Variants in IQSEC1 observed in about 807,000 individuals in gnomAD.
The protein encoded by IQSEC1 is IQ motif and Sec7 domain ArfGEF 1.
IQSEC1 carries 31 observed loss-of-function variants against 91.0 expected under a neutral mutation model. The observed-to-expected ratio is 0.34, with a 90% confidence interval of 0.26 to 0.46. The LOEUF (loss-of-function observed/expected upper bound fraction) is 0.46, where lower values mean the gene tolerates loss of function less well. Ranked by LOEUF, IQSEC1 falls within the 20% of genes least tolerant of loss-of-function variation. The probability of loss-of-function intolerance (pLI) is 1.00; values close to 1 mark genes in which losing one functional copy is unlikely to be tolerated. For synonymous variants in IQSEC1, 699 were observed against 662.6 expected, an observed-to-expected ratio of 1.05 and a Z score of -0.84; for missense variants, 1,388 against 1,575.6, an observed-to-expected ratio of 0.88 and a Z score of 2.02.
intron 1 of IQSEC1, among the ~76,000 whole-genome samples, chr3:13,197,360 C>T (rs1187485482): frequency 2.0e-5 from 3 of 152,162 alleles, no homozygotes; most frequent in East Asian, 1.9e-4. Flanking sequence ...TGGGGTGCTC[C>T]CTGCCCCACT....
rs994027667 is a variant in IQSEC1 at position 13,214,898 on chromosome 3, G to A, written c.273-50765C>T. On this transcript the variant is annotated intron_variant, in intron 1 of 15. Transcript: ENST00000648114. The surrounding 1 kb of genome is among the most constrained non-coding windows in gnomAD (Gnocchi z 4.5). ...CGTCGGGCTCTGCTGAGCACTAGCC[G>A]AATGAACAGGCACCCGAGTGAACGG... Among the ~76,000 whole-genome samples, 4 of 152,232 alleles carry A rather than the reference G, an allele frequency of 2.6e-5. No homozygotes were observed. Among genetic ancestry groups the A allele is most frequent in the Non-Finnish European group, 5.9e-5 (4 of 68,040 alleles).
chr3:12,985,488 A>C, intron 1 of IQSEC1, among the ~76,000 whole-genome samples: 1 of 62,162 alleles, frequency 1.6e-5, no homozygotes, highest in South Asian at 4.3e-4. Context: ...ACTGCTTAAC[A>C]ATCCCCCCCC....
At chr3:13,080,861 C>A (rs577554108) in intron 2 of IQSEC1, among the ~76,000 whole-genome samples, 1 of 152,202 alleles carries the variant, frequency 6.6e-6, no homozygotes, top group African/African-American at 2.4e-5. Context: ...TGAGCTAATA[C>A]AAGAACAACA....
chr3:13,280,180 G>A (rs960533367), intron 1 of IQSEC1, among the ~76,000 whole-genome samples: 3 of 152,186 alleles, frequency 2.0e-5, no homozygotes, highest in Admixed American at 2.0e-4. Context: ...GGAAGTGCAG[G>A]GCTGGGCCTA....
At chr3:13,220,746 G>C (rs779413369) in intron 1 of IQSEC1, among the ~76,000 whole-genome samples, 1 of 152,216 alleles carries the variant, frequency 6.6e-6, no homozygotes, top group African/African-American at 2.4e-5. Context: ...AGCACCCCAA[G>C]TGTGAAGGGC....
chr3:12,923,272 C>T (rs371768432), intron 4 of IQSEC1, among the ~76,000 whole-genome samples: 2 of 151,514 alleles, frequency 1.3e-5, no homozygotes, highest in African/African-American at 2.4e-5. Flanking sequence ...GACCAGGGAC[C>T]GGCTTGGAGT....
intron 1 of IQSEC1, among the ~76,000 whole-genome samples, chr3:12,989,568 T>C (rs1701895519): frequency 6.6e-6 from 1 of 152,046 alleles, no homozygotes; most frequent in South Asian, 2.1e-4. Context: ...CCAGCTGCCT[T>C]CAAGCACCCC....
chr3:13,119,185 G>A (rs894614683), intron 2 of IQSEC1, among the ~76,000 whole-genome samples: 11 of 151,962 alleles, frequency 7.2e-5, no homozygotes, highest in Non-Finnish European at 7.4e-5. Flanking sequence ...CCAAAGTGCT[G>A]GAATAATATT....
In IQSEC1 at chr3:12,967,862, C is replaced by T. The variant is rs1700697403; in HGVS notation, c.24-25997G>A. ...GGGAAGAGAGCACAGGAGGCGTGGC[C>T]ACACGGCGCCGCGGAAGAAGCACAG... On this transcript the variant is annotated intron_variant, in intron 1 of 13. Coordinates refer to ENST00000613206, the MANE Select transcript of IQSEC1 (RefSeq NM_001134382.3). This position sits in a 1 kb window ranked among gnomAD's most constrained non-coding sequence, Gnocchi z 5.9. Among the ~76,000 whole-genome samples, 2 of 144,702 alleles carry T rather than the reference C, an allele frequency of 1.4e-5. No individual in the cohort carries two copies. Among genetic ancestry groups the T allele is most frequent in the African/African-American group, 5.2e-5 (2 of 38,282 alleles). 94.9% of individuals were successfully genotyped at this position (144,702 alleles called of 152,430 possible).
At chr3:12,975,585 C>G (rs1701127749) in intron 1 of IQSEC1, among the ~76,000 whole-genome samples, 1 of 152,214 alleles carries the variant, frequency 6.6e-6, no homozygotes, top group African/African-American at 2.4e-5. Context: ...ATTTGGTCCC[C>G]AAACCATGAA....
intron 1 of IQSEC1, among the ~76,000 whole-genome samples, chr3:13,222,589 C>G (rs1413086090): frequency 1.3e-5 from 2 of 152,228 alleles, no homozygotes; most frequent in African/African-American, 2.4e-5. Flanking sequence ...CTCCCCCCAG[C>G]AATGGAGCCA....
intron 2 of IQSEC1, among the ~76,000 whole-genome samples, chr3:13,112,651 C>T (rs1706267918): frequency 6.6e-6 from 1 of 152,238 alleles, no homozygotes; most frequent in Non-Finnish European, 1.5e-5. Context: ...AGACAGTGGG[C>T]CAGGTGGTCC....
At chr3:13,161,236 G>A (rs774375105) in intron 2 of IQSEC1, among the ~76,000 whole-genome samples, 7 of 152,270 alleles carry the variant, frequency 4.6e-5, no homozygotes, top group Non-Finnish European at 8.8e-5. Context: ...GCTGGTAGGG[G>A]TGTGGCGTCC....
At chr3:12,964,520 A>T (rs1189644563) in intron 1 of IQSEC1, among the ~76,000 whole-genome samples, 1 of 152,200 alleles carries the variant, frequency 6.6e-6, no homozygotes, top group Non-Finnish European at 1.5e-5. Flanking sequence ...TGACCTGGAC[A>T]AACATGGCAT....
intron 1 of IQSEC1, among the ~76,000 whole-genome samples, chr3:13,170,604 C>T (rs777318874): frequency 4.6e-5 from 7 of 152,212 alleles, no homozygotes; most frequent in South Asian, 4.1e-4. Flanking sequence ...GCTTCCAGAG[C>T]GCCAGGGTAA....
rs551486504 is a variant in IQSEC1, at chr3:12,935,669, C to T, written c.1347G>A (p.Ser449=). The T allele has an allele frequency of 5.8e-5, 94 of 1,613,792 alleles. No individual in the cohort carries two copies. The highest frequency in any genetic ancestry group is 6.9e-5 in the Non-Finnish European group (82 of 1,180,032). The stretch of plus-strand genomic sequence containing the variant: ...TGTCATTGTCACCGTCTGAGTAGTC[C>T]GACTCAGACTTGCTCTGCCGGTTGG... ...GSANRQSKSE[S]DYSDGDNDSI... is the part of the protein sequence containing the mutation. Residue 449 remains serine (S), a synonymous_variant, in exon 3 of 14, where the codon TCG becomes TCA. Coordinates refer to ENST00000613206, the MANE Select transcript of IQSEC1 (RefSeq NM_001134382.3). This position sits in a 1 kb window ranked among gnomAD's most constrained non-coding sequence, Gnocchi z 8.0.
chr3:13,002,013 C>A (rs1429773833), intron 1 of IQSEC1, among the ~76,000 whole-genome samples: 2 of 152,100 alleles, frequency 1.3e-5, no homozygotes, highest in African/African-American at 4.8e-5. Flanking sequence ...GCAGAGGTTG[C>A]AGTGAGCTGA....
At chr3:13,234,488 C>A (rs1380613371) in intron 1 of IQSEC1, among the ~76,000 whole-genome samples, 2 of 152,150 alleles carry the variant, frequency 1.3e-5, no homozygotes, top group Non-Finnish European at 2.9e-5. Flanking sequence ...CCTGGGAGAC[C>A]CCCTCCCTTC....
chr3:12,996,841 A>G (rs1355033779), intron 1 of IQSEC1, among the ~76,000 whole-genome samples: 1 of 152,230 alleles, frequency 6.6e-6, no homozygotes, highest in Admixed American at 6.5e-5. Context: ...AAAACACAAC[A>G]TGGTTGCCAT....
Sources: gnomAD v4.1 joint callset for allele counts (sites outside exome capture counted in the v4.1 genomes callset) on GRCh38, gnomAD v4.1.1 for gene constraint, Gnocchi (gnomAD v3.1) non-coding constraint, MANE v1.5 for transcripts, NCBI Gene and HGNC (gene_info 2026-07-23, HGNC 2026-07-21) for gene names.